Variants in VWCE observed in about 807,000 individuals in gnomAD.
VWCE encodes von Willebrand factor C and EGF domain-containing protein.
A neutral mutation model predicts 102.9 loss-of-function variants in VWCE; 68 were observed. The ratio of observed to expected loss-of-function variants is 0.66; its 90% CI spans 0.54 to 0.81. The LOEUF (loss-of-function observed/expected upper bound fraction) is 0.81, where lower values mean the gene tolerates loss of function less well. Ranked by LOEUF, VWCE falls within the 30% of genes least tolerant of loss-of-function variation. The pLI, the probability that VWCE is intolerant of heterozygous loss-of-function variation, is 0.00. For synonymous variants in VWCE, 497 were observed against 515.4 expected (o/e 0.96, Z 0.48); for missense variants, 1,137 against 1,263.6 (o/e 0.90, Z 1.52).
In VWCE at chr11:61,294,507, G is replaced by C. The variant is rs372759564; in HGVS notation, c.110+421C>G. ...GGCTGTTCCAAGGTCCATGAAGTTC[G>C]TAGGGCCAAGACCCAGGGAAAGCCC... On this transcript the variant is annotated intron_variant, in intron 1 of 19. Coordinates refer to ENST00000335613, the MANE Select transcript of VWCE (RefSeq NM_152718.2). The surrounding 1 kb of genome is among the most constrained non-coding windows in gnomAD (Gnocchi z 6.3). 7.3e-4 allele frequency among the ~76,000 whole-genome samples: 111 copies of C among 152,308 alleles called. No individual in the cohort carries two copies. In the East Asian group the frequency reaches 0.012, roughly 17 times the overall value.
intron 1 of VWCE, 24 bp from the exon 2 acceptor site, chr11:61,291,600 T>A (rs768717689): frequency 7.0e-7 from 1 of 1,421,976 alleles, no homozygotes; most frequent in Non-Finnish European, 9.2e-7. Context: ...GAGAGCACTT[T>A]CCTCATTCTA....
In VWCE at chr11:61,291,596, A is replaced by G; in HGVS notation, c.111-20T>C. The G allele has an allele frequency of 2.1e-6, 3 of 1,424,860 alleles. No homozygotes were observed. The highest frequency in any genetic ancestry group is 3.1e-5 in the South Asian group (2 of 63,716). 88.3% of individuals were successfully genotyped at this position (1,424,860 alleles called of 1,614,324 possible). On this transcript the variant is annotated intron_variant, in intron 1 of 19. Coordinates refer to ENST00000335613, the MANE Select transcript of VWCE (RefSeq NM_152718.2). Reference sequence around the variant, plus strand: ...CGGCGTCTGCAAGAGAAGAGAGAGCACTTTCCTCATTCTATACTGGGGGAG... The same window carrying G: ...CGGCGTCTGCAAGAGAAGAGAGAGCGCTTTCCTCATTCTATACTGGGGGAG...
At chr11:61,277,249 G>T (rs1854956876) in intron 10 of VWCE, among the ~76,000 whole-genome samples, 1 of 151,998 alleles carries the variant, frequency 6.6e-6, no homozygotes, top group African/African-American at 2.4e-5. Flanking sequence ...GGGTGCTGGT[G>T]GTTGTCTGCA....
chr11:61,293,284 G>T (rs1855571549), intron 1 of VWCE, among the ~76,000 whole-genome samples: 1 of 150,060 alleles, frequency 6.7e-6, no homozygotes, highest in African/African-American at 2.5e-5. Flanking sequence ...AGGTGTGGTG[G>T]CATGTGCCTG....
In VWCE at chr11:61,282,786, T is replaced by G; in HGVS notation, c.658+3A>C. On this transcript the variant is annotated splice_donor_region_variant and intron_variant, in intron 6 of 19. Coordinates refer to ENST00000335613, the MANE Select transcript of VWCE (RefSeq NM_152718.2). The stretch of plus-strand genomic sequence containing the variant: ...GCAGACCACAGGGTCCTCCCCGCCT[T>G]ACCTACACAGGAGTGCCGGTTGCCA... 6.2e-7 allele frequency: 1 copy of G among 1,613,290 alleles called. No individual in the cohort carries two copies. Among genetic ancestry groups the G allele is most frequent in the Non-Finnish European group, 8.5e-7 (1 of 1,179,324 alleles).
At chr11:61,263,264 G>A (rs998605373) in intron 19 of VWCE, among the ~76,000 whole-genome samples, 12 of 149,028 alleles carry the variant, frequency 8.1e-5, no homozygotes, top group Admixed American at 6.1e-4. Context: ...CTGAGATCGC[G>A]CCACTGCACT....
At chr11:61,281,329 C>T (rs977832519) in intron 7 of VWCE, 94 bp from the exon 8 acceptor site, 1 of 1,438,790 alleles carries the variant, frequency 7.0e-7, no homozygotes, top group Middle Eastern at 2.5e-4. Flanking sequence ...ACCACAAGTC[C>T]CTGTTCACCC....
rs1293862288 is a variant in VWCE at position 61,259,186 on chromosome 11, G to A, written c.2357C>T (p.Pro786Leu). The change falls in exon 20 of 20, where the codon CCC (proline) becomes CTC (leucine). Residue 786 changes from proline (P) to leucine (L), a missense_variant. Around this residue, in one of 5 missense-constraint regions of VWCE, gnomAD observed 316 missense variants for 319.3 expected, o/e 0.99. Coordinates refer to ENST00000335613, the MANE Select transcript of VWCE (RefSeq NM_152718.2). ...CGGCCTCGAGGGTGATGCTGTCGGGGGCCCAGGACAGGAGCTACAGTTGAC... is the reference window on the plus strand; with the variant it reads ...CGGCCTCGAGGGTGATGCTGTCGGGAGCCCAGGACAGGAGCTACAGTTGAC... ...APVNCSSCPGPPTASPSRPVL... is the reference protein window; with the variant it reads ...APVNCSSCPGLPTASPSRPVL... 3.1e-6 allele frequency: 5 copies of A among 1,614,222 alleles called. No individual in the cohort carries two copies. The highest frequency in any genetic ancestry group is 1.7e-5 in the Admixed American group (1 of 60,028).
At chr11:61,292,576 G>A (rs1403305999) in intron 1 of VWCE, among the ~76,000 whole-genome samples, 1 of 152,124 alleles carries the variant, frequency 6.6e-6, no homozygotes, top group African/African-American at 2.4e-5. Flanking sequence ...GGTCATGAAT[G>A]AGCTGCCCAA....
At position 61,259,168 on chromosome 11, in the gene VWCE, G is replaced by A. The variant is rs114085454; in HGVS notation, c.2375C>T (p.Ser792Leu). Residue 792 changes from serine (S) to leucine (L), a missense_variant, in exon 20 of 20, where the codon TCG (serine) becomes TTG (leucine). This residue lies in a region of VWCE where 316 missense variants were observed against 319.3 expected (regional missense o/e 0.99). Coordinates refer to ENST00000335613, the MANE Select transcript of VWCE (RefSeq NM_152718.2). ...CTGGAGGAGATGAAGCACCGGCCTCGAGGGTGATGCTGTCGGGGGCCCAGG... is the reference window on the plus strand; with the variant it reads ...CTGGAGGAGATGAAGCACCGGCCTCAAGGGTGATGCTGTCGGGGGCCCAGG... ...SCPGPPTASP[S>L]RPVLHLLQLL... The A allele has an allele frequency of 1.1e-3, 1,757 of 1,614,178 alleles. 16 individuals carry two copies. The African/African-American group carries it at 0.02, about 18-fold the overall frequency.
Position 61,281,107 on chromosome 11 carries a change from C to T in VWCE, c.916G>A (p.Ala306Thr), listed in dbSNP as rs1590643793. The change falls in exon 8 of 20, where the codon GCT becomes ACT. Residue 306 changes from alanine to threonine, a missense_variant. Physicochemically the swap from Ala to Thr is moderately conservative, Grantham distance 58 (BLOSUM62 0). Coordinates refer to ENST00000335613, the MANE Select transcript of VWCE (RefSeq NM_152718.2). ...CTGACTCCGGCTGGGGGCCCTGGAG[C>T]CCCAGAAGGAGGGCTATGTCCTGGG... is the stretch of plus-strand genomic sequence containing the variant. ...LSPGHSPPSG[A>T]PGPPAGVRTT... The T allele has an allele frequency of 6.2e-7, 1 of 1,611,048 alleles. No homozygotes were observed. Among genetic ancestry groups the T allele is most frequent in the Non-Finnish European group, 8.5e-7 (1 of 1,178,576 alleles).
intron 14 of VWCE, 180 bp from the exon 15 acceptor site, chr11:61,269,198 T>C (rs1854599866): frequency 1.7e-6 from 1 of 603,638 alleles, no homozygotes; most frequent in African/African-American, 1.8e-5. Context: ...AAAGGCCATG[T>C]GAGCCTTCCA....
intron 10 of VWCE, among the ~76,000 whole-genome samples, 165 bp downstream of exon 10, chr11:61,278,229 C>A (rs898189810): frequency 6.6e-6 from 1 of 152,146 alleles, no homozygotes; most frequent in Admixed American, 6.5e-5. Flanking sequence ...TTTACACTTC[C>A]CTCCCCCTTT....
Position 61,291,316 on chromosome 11 carries a change from G to C in VWCE, c.243C>G (p.Ile81Met). The C allele has an allele frequency of 6.2e-7, 1 of 1,611,928 alleles. No homozygotes were observed. Among genetic ancestry groups the C allele is most frequent in the South Asian group, 1.1e-5 (1 of 90,620 alleles). Residue 81 changes from isoleucine to methionine, a missense_variant, in exon 3 of 20, where the codon ATC becomes ATG. Ile to Met is a conservative substitution (Grantham distance 10). Around this residue, in one of 5 missense-constraint regions of VWCE, gnomAD observed 575 missense variants for 625.9 expected, o/e 0.92. Coordinates refer to ENST00000335613, the MANE Select transcript of VWCE (RefSeq NM_152718.2). Reference protein sequence around the residue: ...CSFGCGSGICIAPNVCSCQDG... With the variant: ...CSFGCGSGICMAPNVCSCQDG... ...CCTGGCAGGAGCAGACATTGGGAGC[G>C]ATGCAGATGCCACTCCCACAGCCGA...
At chr11:61,268,784 C>T in intron 15 of VWCE, 138 bp downstream of exon 15, 1 of 802,638 alleles carries the variant, frequency 1.2e-6, no homozygotes, top group East Asian at 2.7e-5. Context: ...ACTGTTCTAC[C>T]TCAGTTTCCT....
At chr11:61,292,219 T>C (rs1344992778) in intron 1 of VWCE, among the ~76,000 whole-genome samples, 2 of 143,348 alleles carry the variant, frequency 1.4e-5, no homozygotes, top group African/African-American at 2.7e-5. Flanking sequence ...CCAGACCGTC[T>C]CAAAACAAAA....
At position 61,269,449 on chromosome 11, in the gene VWCE, T is replaced by C. The variant is rs534335139; in HGVS notation, c.1786-431A>G. On this transcript the variant is annotated intron_variant, in intron 14 of 19. Transcript: ENST00000335613. The stretch of plus-strand genomic sequence containing the variant: ...AGTGCCATACAAGGTTTCTTTCTTT[T>C]TTTTTTTTTCTTTTTAAGACGGAGT... 3.0e-4 allele frequency: 48 copies of C among 160,398 alleles called. No homozygotes were observed. In the South Asian group the frequency reaches 7.3e-3, roughly 25 times the overall value. The allele number at this position is 160,398 out of a possible 1,614,324, so 9.9% of individuals were successfully genotyped here. A position where few individuals can be genotyped will look rare whatever the true frequency, so the allele number is the denominator to read the frequency against.
chr11:61,282,945 A>G, intron 5 of VWCE, 40 bp from the exon 6 acceptor site: 1 of 1,539,388 alleles, frequency 6.5e-7, no homozygotes. Context: ...CATTTCCCCA[A>G]CAGAACCTTG....
intron 4 of VWCE, among the ~76,000 whole-genome samples, chr11:61,286,738 T>G (rs1855341250): frequency 1.3e-5 from 2 of 149,822 alleles, no homozygotes; most frequent in Non-Finnish European, 3.0e-5. Context: ...GAGGCGGAGG[T>G]TGCGGTGAGC....
Sources: allele counts gnomAD v4.1 joint callset (sites outside exome capture counted in the v4.1 genomes callset), GRCh38; gene constraint gnomAD v4.1.1; regional missense constraint gnomAD v4.1.1; non-coding constraint Gnocchi (gnomAD v3.1); transcripts MANE v1.5; gene names NCBI Gene and HGNC (gene_info 2026-07-23, HGNC 2026-07-21).